GALNT17: variants seen among roughly 807,000 people sequenced by gnomAD.
The protein encoded by GALNT17 is UDP-GalNAc:polypeptide N-acetylgalactosaminyltransferase-like 3.
Under a neutral mutation model 63.7 loss-of-function variants are expected in GALNT17, and 29 were observed. That is an observed-to-expected ratio of 0.46 (90% CI 0.34 to 0.62). The LOEUF is 0.62. Among genes scored for constraint, GALNT17 ranks in the 20% least tolerant of loss-of-function variants. The pLI, the probability that GALNT17 is intolerant of heterozygous loss-of-function variation, is 0.01. For synonymous variants in GALNT17, 305 were observed against 318.3 expected (o/e 0.96, Z 0.45); for missense variants, 603 against 799.6 (o/e 0.75, Z 2.97).
intron 5 of GALNT17, among the ~76,000 whole-genome samples, chr7:71,497,596 G>A (rs1162308803): frequency 2.0e-5 from 3 of 152,194 alleles, no homozygotes; most frequent in Admixed American, 2.0e-4. Flanking sequence ...GGGTTAGGAT[G>A]TCAACATATG....
intron 6 of GALNT17, among the ~76,000 whole-genome samples, chr7:71,586,219 A>G (rs950860088): frequency 1.3e-5 from 2 of 152,062 alleles, no homozygotes; most frequent in East Asian, 3.9e-4. Context: ...GATTTTTATC[A>G]CCATAGATTA....
intron 3 of GALNT17, among the ~76,000 whole-genome samples, chr7:71,403,563 G>A (rs1757583466): frequency 6.6e-6 from 1 of 152,210 alleles, no homozygotes; most frequent in Admixed American, 6.5e-5. Context: ...ACACTCGTAT[G>A]ATGCATTAGT....
intron 1 of GALNT17, among the ~76,000 whole-genome samples, chr7:71,316,049 A>G (rs544413734): frequency 1.3e-5 from 2 of 152,184 alleles, no homozygotes; most frequent in Non-Finnish European, 2.9e-5. Context: ...TAATGCAACA[A>G]GCAAGCATTG....
intron 6 of GALNT17, among the ~76,000 whole-genome samples, chr7:71,573,767 G>A (rs1213973167): frequency 6.6e-6 from 1 of 152,164 alleles, no homozygotes; most frequent in Non-Finnish European, 1.5e-5. Context: ...TTGGTGCACA[G>A]ATTATTACCC....
intron 1 of GALNT17, among the ~76,000 whole-genome samples, chr7:71,230,824 C>T (rs1789774557): frequency 6.6e-6 from 1 of 152,078 alleles, no homozygotes; most frequent in African/African-American, 2.4e-5. Context: ...AAAGATAGAG[C>T]ACATGAGACA....
At chr7:71,133,769 T>A (rs930217491) in intron 1 of GALNT17, among the ~76,000 whole-genome samples, 1 of 152,132 alleles carries the variant, frequency 6.6e-6, no homozygotes, top group Non-Finnish European at 1.5e-5. Flanking sequence ...AGAGGGAGAC[T>A]TTTTATGTGC....
chr7:71,683,902 G>A (rs1033481680), intron 9 of GALNT17, among the ~76,000 whole-genome samples: 3 of 151,658 alleles, frequency 2.0e-5, no homozygotes, highest in East Asian at 3.9e-4. Flanking sequence ...CAGCTACTCC[G>A]GGAGGCTGAG....
chr7:71,395,024 C>T (rs1210135005), intron 3 of GALNT17, among the ~76,000 whole-genome samples: 1 of 152,030 alleles, frequency 6.6e-6, no homozygotes, highest in Non-Finnish European at 1.5e-5. Context: ...ATCACTTGAA[C>T]CTGGGAGGCG....
intron 1 of GALNT17, among the ~76,000 whole-genome samples, chr7:71,149,787 A>G (rs1181841801): frequency 1.3e-5 from 2 of 152,248 alleles, no homozygotes; most frequent in Non-Finnish European, 1.5e-5. Flanking sequence ...GACTGTCAGC[A>G]AGCCTCAGGC....
chr7:71,415,249 G>T (rs1396820245), intron 3 of GALNT17, among the ~76,000 whole-genome samples: 1 of 152,114 alleles, frequency 6.6e-6, no homozygotes, highest in Admixed American at 6.5e-5. Flanking sequence ...TGTGACCTTG[G>T]AACAGGTTAG....
chr7:71,219,886 A>G (rs1369786175), intron 1 of GALNT17, among the ~76,000 whole-genome samples: 1 of 152,208 alleles, frequency 6.6e-6, no homozygotes, highest in Admixed American at 6.5e-5. Flanking sequence ...GAGGAAGCCA[A>G]TGGTTCTCAC....
intron 1 of GALNT17, among the ~76,000 whole-genome samples, chr7:71,290,541 GC>G (rs1790961302): frequency 6.6e-6 from 1 of 152,112 alleles, no homozygotes; most frequent in Non-Finnish European, 1.5e-5. Flanking sequence ...TTGAGCCCAG[GC>G]CTGGCACAGC....
intron 5 of GALNT17, among the ~76,000 whole-genome samples, chr7:71,487,757 C>A (rs1198515685): frequency 6.6e-6 from 1 of 152,136 alleles, no homozygotes; most frequent in Non-Finnish European, 1.5e-5. Context: ...TTGCACCAAC[C>A]TAATAGTAGT....
At chr7:71,339,895 A>G (rs11979633) in intron 2 of GALNT17, among the ~76,000 whole-genome samples, 15,462 of 152,146 alleles carry the variant, frequency 0.1, 1,867 homozygotes, top group African/African-American at 0.28. Flanking sequence ...AATGATAGCA[A>G]AGGAATAGAG....
In GALNT17 at chr7:71,532,524, G is replaced by A. The variant is rs536255237; in HGVS notation, c.963-38761G>A. ...CAGGCAGTTCTTAGGGAGATGACAC[G>A]GATGTAAGTGACCAAATCTTGATTA... On this transcript the variant is annotated intron_variant, in intron 5 of 10. Transcript: ENST00000333538. Among the ~76,000 whole-genome samples the A allele has an allele frequency of 1.2e-4, 18 of 152,262 alleles. No homozygotes were observed. In the East Asian group the frequency reaches 3.3e-3, roughly 28 times the overall value.
At chr7:71,564,058 A>G (rs544983528) in intron 5 of GALNT17, among the ~76,000 whole-genome samples, 6 of 152,076 alleles carry the variant, frequency 3.9e-5, no homozygotes, top group African/African-American at 1.4e-4. Flanking sequence ...GTCCTCCACA[A>G]TGATCCAGTT....
In GALNT17 at chr7:71,482,499, C is replaced by A. The variant is rs1477281761; in HGVS notation, c.962+61394C>A. 5.9e-5 allele frequency among the ~76,000 whole-genome samples: 9 copies of A among 152,132 alleles called. 1 individual carries two copies. The highest frequency in any genetic ancestry group is 1.7e-4 in the African/African-American group (7 of 41,432). On this transcript the variant is annotated intron_variant, in intron 5 of 10. Coordinates refer to ENST00000333538, the MANE Select transcript of GALNT17 (RefSeq NM_022479.3). ...ATCATTAGGCAATTTCATCATTGAGCAAACATTATAGAGTGCACTTATACA... is the reference window on the plus strand; with the variant it reads ...ATCATTAGGCAATTTCATCATTGAGAAAACATTATAGAGTGCACTTATACA...
At chr7:71,205,765 A>C (rs1327102050) in intron 1 of GALNT17, among the ~76,000 whole-genome samples, 1 of 152,190 alleles carries the variant, frequency 6.6e-6, no homozygotes, top group East Asian at 1.9e-4. Flanking sequence ...GCATCAAAAC[A>C]CAGGATTTCT....
intron 1 of GALNT17, among the ~76,000 whole-genome samples, chr7:71,177,449 A>C (rs1788660465): frequency 6.6e-6 from 1 of 152,166 alleles, no homozygotes; most frequent in Non-Finnish European, 1.5e-5. Flanking sequence ...CCATGGCTGA[A>C]AATCTGATTC....
Sources: gnomAD v4.1 joint callset for allele counts (sites outside exome capture counted in the v4.1 genomes callset) on GRCh38, gnomAD v4.1.1 for gene constraint, MANE v1.5 for transcripts, NCBI Gene and HGNC (gene_info 2026-07-23, HGNC 2026-07-21) for gene names.